The following TAFA1 variants were observed in gnomAD, a reference collection of about 807,000 sequenced individuals.
TAFA1 encodes chemokine-like protein TAFA-1.
In TAFA1, 4 loss-of-function variants were observed where a neutral mutation model predicts 18.5. That is an observed-to-expected ratio of 0.22 (90% CI 0.11 to 0.49). TAFA1 has a LOEUF of 0.49. Ranked by LOEUF, TAFA1 falls within the 20% of genes least tolerant of loss-of-function variation. The pLI, the probability that TAFA1 is intolerant of heterozygous loss-of-function variation, is 0.98. For missense variants in TAFA1, 147 were observed against 169.0 expected (o/e 0.87, Z 0.72); for synonymous variants, 56 against 55.2 (o/e 1.01, Z -0.06).
intron 3 of TAFA1, among the ~76,000 whole-genome samples, chr3:68,474,407 A>G (rs1403768479): frequency 1.3e-5 from 2 of 152,144 alleles, no homozygotes; most frequent in African/African-American, 4.8e-5. Flanking sequence ...CCTGTGCCCC[A>G]TTACTAAGAG....
intron 2 of TAFA1, among the ~76,000 whole-genome samples, chr3:68,192,228 A>G (rs1000997642): frequency 4.6e-5 from 7 of 151,812 alleles, no homozygotes; most frequent in Admixed American, 3.9e-4. Flanking sequence ...TTAAAACTAA[A>G]CAGGAGTGAT....
At chr3:68,343,540 T>C (rs2069118975) in intron 2 of TAFA1, among the ~76,000 whole-genome samples, 1 of 152,188 alleles carries the variant, frequency 6.6e-6, no homozygotes, top group African/African-American at 2.4e-5. Context: ...TCAAATTCCA[T>C]GCTGAGGTAC....
At chr3:68,509,823 AATGCCTCACAGGG>A (rs2072819061) in intron 3 of TAFA1, among the ~76,000 whole-genome samples, 1 of 152,128 alleles carries the variant, frequency 6.6e-6, no homozygotes, top group Non-Finnish European at 1.5e-5. Context: ...GAGGATGGGA[AATGCCTCACAGGG>A]AAATAGTTTC....
rs184419604 is a variant in TAFA1, at chr3:68,155,954, A to C, written c.118+149210A>C. Among the ~76,000 whole-genome samples the C allele has an allele frequency of 8.7e-4, 132 of 152,232 alleles. 3 individuals are homozygous for C. In the South Asian group the frequency reaches 0.012, roughly 14 times the overall value. ...ACCTGGCAGCAGTCAGGAACACAAC[A>C]GCGGTTGCAGGCAGGTGGTTGCAAT... On this transcript the variant is annotated intron_variant, in intron 2 of 4. Coordinates refer to ENST00000478136, the MANE Select transcript of TAFA1 (RefSeq NM_213609.4).
At chr3:68,527,898 C>T (rs1442080126) in intron 3 of TAFA1, among the ~76,000 whole-genome samples, 6 of 152,096 alleles carry the variant, frequency 3.9e-5, no homozygotes, top group Non-Finnish European at 1.5e-5. Context: ...TCCCCTCTAC[C>T]CTCACCAAGA....
In TAFA1 at chr3:68,159,629, C is replaced by T. The variant is rs1575652017; in HGVS notation, c.118+152885C>T. ...CTTCCTCTTCACTGGACACTTCCTACAGGGCAAATTCCAGAACAGAACTCT... is the reference window on the plus strand; with the variant it reads ...CTTCCTCTTCACTGGACACTTCCTATAGGGCAAATTCCAGAACAGAACTCT... On this transcript the variant is annotated intron_variant, in intron 2 of 4. Coordinates refer to ENST00000478136, the MANE Select transcript of TAFA1 (RefSeq NM_213609.4). 3.3e-5 allele frequency among the ~76,000 whole-genome samples: 5 copies of T among 152,256 alleles called. No individual in the cohort carries two copies. In the South Asian group the frequency reaches 1.0e-3, roughly 32 times the overall value.
chr3:68,211,034 C>A (rs2066590577), intron 2 of TAFA1, among the ~76,000 whole-genome samples: 1 of 152,026 alleles, frequency 6.6e-6, no homozygotes, highest in African/African-American at 2.4e-5. Flanking sequence ...ATTTGGACTT[C>A]TTTATGGGGC....
intron 2 of TAFA1, among the ~76,000 whole-genome samples, chr3:68,348,588 G>A (rs1248649240): frequency 6.6e-6 from 1 of 152,106 alleles, no homozygotes; most frequent in East Asian, 1.9e-4. Context: ...CATTTAAGCT[G>A]TAAGATCCAA....
At chr3:68,164,157 C>A (rs930523870) in intron 2 of TAFA1, among the ~76,000 whole-genome samples, 1 of 152,220 alleles carries the variant, frequency 6.6e-6, no homozygotes, top group Non-Finnish European at 1.5e-5. Flanking sequence ...CTGCAGTTCA[C>A]TGCTGAGTCA....
At chr3:68,110,768 A>G (rs2065253667) in intron 2 of TAFA1, among the ~76,000 whole-genome samples, 1 of 152,160 alleles carries the variant, frequency 6.6e-6, no homozygotes, top group Non-Finnish European at 1.5e-5. Context: ...CTTCCTATCT[A>G]AAAGAGGCGG....
At chr3:68,217,197 A>T (rs2066670572) in intron 2 of TAFA1, among the ~76,000 whole-genome samples, 1 of 152,054 alleles carries the variant, frequency 6.6e-6, no homozygotes, top group Non-Finnish European at 1.5e-5. Context: ...GTAATTTATT[A>T]ATTACTTTTA....
At chr3:68,323,110 A>T (rs539263746) in intron 2 of TAFA1, among the ~76,000 whole-genome samples, 1 of 152,194 alleles carries the variant, frequency 6.6e-6, no homozygotes, top group Non-Finnish European at 1.5e-5. Context: ...TAAATCTTAC[A>T]TAAAATGCTA....
intron 2 of TAFA1, among the ~76,000 whole-genome samples, chr3:68,159,043 A>C (rs550860683): frequency 1.3e-5 from 2 of 151,832 alleles, no homozygotes; most frequent in Non-Finnish European, 2.9e-5. Context: ...GCATTGTTCA[A>C]TTTGCTGGGG....
intron 2 of TAFA1, among the ~76,000 whole-genome samples, chr3:68,131,015 C>T (rs1381135383): frequency 6.6e-6 from 1 of 152,132 alleles, no homozygotes; most frequent in Non-Finnish European, 1.5e-5. Context: ...GGAGCTTTTT[C>T]GACTTCACCA....
At chr3:68,482,956 G>A (rs1326218090) in intron 3 of TAFA1, among the ~76,000 whole-genome samples, 6 of 152,200 alleles carry the variant, frequency 3.9e-5, no homozygotes, top group African/African-American at 1.2e-4. Flanking sequence ...AATTCGTGGA[G>A]CCACTAAATT....
At chr3:68,524,722 G>A (rs894426823) in intron 3 of TAFA1, among the ~76,000 whole-genome samples, 1 of 151,874 alleles carries the variant, frequency 6.6e-6, no homozygotes, top group Non-Finnish European at 1.5e-5. Flanking sequence ...CCAGGCTGGA[G>A]TGCAGTGGTG....
chr3:68,283,632 A>G (rs1356000463), intron 2 of TAFA1, among the ~76,000 whole-genome samples: 3 of 151,724 alleles, frequency 2.0e-5, no homozygotes, highest in Non-Finnish European at 4.4e-5. Context: ...TTTTGTGAGG[A>G]CTTAATTAGA....
the TAFA1 span, among the ~76,000 whole-genome samples, chr3:67,998,792 G>A: frequency 6.6e-6 from 1 of 152,140 alleles, no homozygotes; most frequent in East Asian, 1.9e-4. Flanking sequence ...TGGAATTGCT[G>A]ATCAAACCCA....
intron 2 of TAFA1, among the ~76,000 whole-genome samples, chr3:68,030,202 A>T (rs1005326007): frequency 2.0e-5 from 3 of 152,192 alleles, no homozygotes; most frequent in African/African-American, 7.2e-5. Context: ...AGTAAAACAC[A>T]TTATAAAAAT....
Sources: allele counts gnomAD v4.1 joint callset (sites outside exome capture counted in the v4.1 genomes callset), GRCh38; gene constraint gnomAD v4.1.1; transcripts MANE v1.5; gene names NCBI Gene and HGNC (gene_info 2026-07-23, HGNC 2026-07-21).